Variants in PLA2G6 observed in about 807,000 individuals in gnomAD.
PLA2G6 encodes the protein 85/88 kDa calcium-independent phospholipase A2.
Under a neutral mutation model 83.8 loss-of-function variants are expected in PLA2G6, and 62 were observed. That is an observed-to-expected ratio of 0.74 (90% CI 0.60 to 0.91). The LOEUF is 0.91. PLA2G6 is among the 40% of genes least tolerant of loss of function. The probability of loss-of-function intolerance (pLI) is 0.00; values close to 1 mark genes in which losing one functional copy is unlikely to be tolerated. For synonymous variants in PLA2G6, 417 were observed against 449.8 expected, an observed-to-expected ratio of 0.93 and a Z score of 0.92; for missense variants, 944 against 1,102.0, an observed-to-expected ratio of 0.86 and a Z score of 2.03.
chr22:38,168,659 G>A (rs986268980), intron 2 of PLA2G6, among the ~76,000 whole-genome samples: 4 of 152,214 alleles, frequency 2.6e-5, no homozygotes, highest in African/African-American at 9.6e-5. Context: ...AGACCAGCCT[G>A]GCCAATATGA....
At chr22:38,139,056 G>T (rs1248621975) in intron 5 of PLA2G6, 5 of 152,104 alleles carry the variant, frequency 3.3e-5, no homozygotes, top group Non-Finnish European at 7.4e-5. Flanking sequence ...GACACCAGGG[G>T]TTCCCAGGCT....
At chr22:38,143,321 G>A in intron 3 of PLA2G6, 33 bp from the exon 4 acceptor site, 2 of 1,602,968 alleles carry the variant, frequency 1.2e-6, no homozygotes, top group Non-Finnish European at 1.7e-6. Context: ...GCAGAGGTGA[G>A]CAGGTGTGGT....
rs1345105971 is a variant in PLA2G6, at chr22:38,132,532, AG to A, written c.1077+298del. 3 of 516,388 alleles carry A rather than the reference AG, an allele frequency of 5.8e-6. No homozygotes were observed. The highest frequency in any genetic ancestry group is 5.1e-4 in the Middle Eastern group (1 of 1,954). The allele number at this position is 516,388 out of a possible 1,614,324, so 32.0% of individuals were successfully genotyped here. On this transcript the variant is annotated intron_variant, in intron 7 of 16. Transcript: ENST00000332509. The surrounding 1 kb of genome is among the most constrained non-coding windows in gnomAD (Gnocchi z 5.0). Reference sequence around the variant, plus strand: ...GGCTGACAGGTGACATGGCTTGCTCAGGGCCAGTCTATGGCCAGAGCTGTCA... The same window carrying A: ...GGCTGACAGGTGACATGGCTTGCTCAGGCCAGTCTATGGCCAGAGCTGTCA...
At chr22:38,161,379 C>T (rs1352643660) in intron 2 of PLA2G6, among the ~76,000 whole-genome samples, 2 of 152,076 alleles carry the variant, frequency 1.3e-5, no homozygotes, top group Admixed American at 6.5e-5. Context: ...CTTGCCTCTT[C>T]GTCTAAGGGC....
chr22:38,135,236 G>C (rs2088479815), intron 5 of PLA2G6, 152 bp from the exon 6 acceptor site: 2 of 659,686 alleles, frequency 3.0e-6, no homozygotes, highest in Non-Finnish European at 5.5e-6. Context: ...CCATGGTTAA[G>C]GCTGTACTGA....
chr22:38,126,198 C>G (rs763015750), intron 10 of PLA2G6, 173 bp downstream of exon 10: 1 of 687,194 alleles, frequency 1.5e-6, no homozygotes, highest in South Asian at 1.5e-5. Context: ...AATGAACGAG[C>G]GACACAGGCT....
intron 2 of PLA2G6, among the ~76,000 whole-genome samples, chr22:38,165,667 A>G (rs962509009): frequency 6.6e-6 from 1 of 152,052 alleles, no homozygotes; most frequent in Non-Finnish European, 1.5e-5. Flanking sequence ...AGGTCAGGAG[A>G]TCGAGACCAT....
intron 3 of PLA2G6, chr22:38,143,587 C>A: frequency 1.9e-6 from 1 of 513,098 alleles, no homozygotes; most frequent in East Asian, 3.7e-5. Flanking sequence ...ACGGATATCT[C>A]ACTAGCCTCA....
At position 38,154,148 on chromosome 22, in the gene PLA2G6, C is replaced by G. The variant is rs76136968; in HGVS notation, c.210-8495G>C. Among the ~76,000 whole-genome samples the G allele has an allele frequency of 3.1e-3, 474 of 152,352 alleles. 1 individual carries two copies. Among genetic ancestry groups the G allele is most frequent in the African/African-American group, 0.011 (462 of 41,580 alleles). On this transcript the variant is annotated intron_variant, in intron 2 of 16. Coordinates refer to ENST00000332509, the MANE Select transcript of PLA2G6 (RefSeq NM_003560.4). ...CTGCCTCCCAGATGGCATCTAAGGA[C>G]CTTCCCAGGATGGGGGTAGGGGGAA...
intron 5 of PLA2G6, 58 bp downstream of exon 5, chr22:38,139,924 G>T: frequency 7.2e-7 from 1 of 1,385,852 alleles, no homozygotes; most frequent in Non-Finnish European, 1.0e-6. Flanking sequence ...GCACGGGACA[G>T]GTGACAGGAG....
intron 15 of PLA2G6, chr22:38,112,851 T>C: frequency 3.5e-6 from 2 of 577,126 alleles, no homozygotes; most frequent in Non-Finnish European, 6.2e-6. Flanking sequence ...TCGACAGGCC[T>C]CCATGTCCCC....
intron 2 of PLA2G6, among the ~76,000 whole-genome samples, chr22:38,163,234 C>T (rs924913335): frequency 6.6e-6 from 1 of 152,230 alleles, no homozygotes; most frequent in Non-Finnish European, 1.5e-5. Flanking sequence ...CCTCTGTCCT[C>T]TGGGCCTTTC....
chr22:38,169,466 C>CTCTG lies in PLA2G6; in HGVS notation c.-44_-41dup. On this transcript the variant is annotated 5_prime_UTR_variant, in exon 2 of 17. Transcript: ENST00000332509. ...GTGGGGAGGCCCCACCGTCTTCCCC[C>CTCTG]TCTGTCTGGAAGAAAACGAGGTCTC... is the stretch of plus-strand genomic sequence containing the variant. The CTCTG allele has an allele frequency of 6.4e-7, 1 of 1,568,448 alleles. No individual in the cohort carries two copies. The highest frequency in any genetic ancestry group is 8.8e-7 in the Non-Finnish European group (1 of 1,142,104).
intron 2 of PLA2G6, among the ~76,000 whole-genome samples, chr22:38,160,568 C>T (rs1393767472): frequency 6.6e-6 from 1 of 152,134 alleles, no homozygotes; most frequent in Non-Finnish European, 1.5e-5. Context: ...TTATCTTGGC[C>T]GGGGGCGGTG....
At chr22:38,116,462 G>C in intron 12 of PLA2G6, 1 of 661,774 alleles carries the variant, frequency 1.5e-6, no homozygotes, top group Non-Finnish European at 2.9e-6. Context: ...CTAATCCAAT[G>C]GAAAAACCTG....
chr22:38,115,374 C>T (rs553942492), intron 14 of PLA2G6, among the ~76,000 whole-genome samples, 153 bp downstream of exon 14: 1 of 152,330 alleles, frequency 6.6e-6, no homozygotes, highest in East Asian at 1.9e-4. Flanking sequence ...GGAACAGGTT[C>T]CAGTGAGATC....
intron 1 of PLA2G6, among the ~76,000 whole-genome samples, chr22:38,176,328 A>T (rs1282120474): frequency 6.6e-6 from 1 of 152,200 alleles, no homozygotes; most frequent in Non-Finnish European, 1.5e-5. Flanking sequence ...GGTGCGTGAC[A>T]GGAACCCACA....
rs183540265 is a variant in PLA2G6, at chr22:38,132,098, G to A, written c.1077+733C>T. 4 of 455,632 alleles carry A rather than the reference G, an allele frequency of 8.8e-6. No individual in the cohort carries two copies. The East Asian group carries it at 2.8e-4, about 32-fold the overall frequency. 28.2% of individuals were successfully genotyped at this position (455,632 alleles called of 1,614,324 possible). On this transcript the variant is annotated intron_variant, in intron 7 of 16. Coordinates refer to ENST00000332509, the MANE Select transcript of PLA2G6 (RefSeq NM_003560.4). The surrounding 1 kb of genome is among the most constrained non-coding windows in gnomAD (Gnocchi z 5.0). ...CCACTGCACTCCAGCCTGGGCGACA[G>A]TGCGAGACTCCATCTCGAAAAAAAA...
chr22:38,153,567 C>G (rs1480932623), intron 2 of PLA2G6, among the ~76,000 whole-genome samples: 4 of 150,348 alleles, frequency 2.7e-5, no homozygotes, highest in Admixed American at 6.7e-5. Flanking sequence ...ACCCAGGAGG[C>G]AGAGGTTGCA....
Sources: gnomAD v4.1 joint callset for allele counts (sites outside exome capture counted in the v4.1 genomes callset) on GRCh38, gnomAD v4.1.1 for gene constraint, Gnocchi (gnomAD v3.1) non-coding constraint, MANE v1.5 for transcripts, NCBI Gene and HGNC (gene_info 2026-07-23, HGNC 2026-07-21) for gene names.